The following MTUS2 variants were observed in gnomAD, a reference collection of about 807,000 sequenced individuals.
MTUS2 encodes microtubule associated scaffold protein 2.
MTUS2 carries 40 observed loss-of-function variants against 114.1 expected under a neutral mutation model. The observed-to-expected ratio is 0.35, with a 90% CI of 0.27 to 0.46. MTUS2 has a LOEUF of 0.46. MTUS2 is among the 20% of genes least tolerant of loss of function. MTUS2 has a pLI of 1.00. For synonymous variants in MTUS2, 688 were observed against 672.0 expected, an observed-to-expected ratio of 1.02 and a Z score of -0.37; for missense variants, 1,679 against 1,705.4, an observed-to-expected ratio of 0.98 and a Z score of 0.27.
chr13:29,457,006 A>G (rs541315162), intron 9 of MTUS2, among the ~76,000 whole-genome samples: 61 of 151,920 alleles, frequency 4.0e-4, no homozygotes, highest in Admixed American at 1.2e-3. Flanking sequence ...TTAGCCAGGC[A>G]TGGTGGCAGG....
intron 2 of MTUS2, among the ~76,000 whole-genome samples, chr13:28,877,329 A>G (rs993895456): frequency 6.6e-6 from 1 of 151,728 alleles, no homozygotes; most frequent in Non-Finnish European, 1.5e-5. Context: ...AAAAAAAAAA[A>G]AAAGAAAAAC....
rs1441904364 is a variant in MTUS2, at chr13:28,994,876, CT to C, written c.-242-29577del. Among the ~76,000 whole-genome samples, 7 of 152,140 alleles carry C rather than the reference CT, an allele frequency of 4.6e-5. 1 individual carries two copies. On this transcript the variant is annotated intron_variant, in intron 2 of 15. Transcript: ENST00000612955. The stretch of plus-strand genomic sequence containing the variant: ...TGCCTGTTCACTCTGATGGTGGTTT[CT>C]TTTGCTGTGCAGAAGCTCTTTAGTT...
intron 2 of MTUS2, among the ~76,000 whole-genome samples, chr13:29,023,314 G>A (rs142661855): frequency 1.3e-5 from 2 of 152,304 alleles, no homozygotes; most frequent in African/African-American, 4.8e-5. Context: ...AGGCCTCGAA[G>A]GCCAGAGTAA....
chr13:29,319,721 G>T (rs1188624428), intron 6 of MTUS2, among the ~76,000 whole-genome samples: 1 of 152,098 alleles, frequency 6.6e-6, no homozygotes, highest in African/African-American at 2.4e-5. Flanking sequence ...GGTCAGCAGG[G>T]GTGCTGTTCA....
Position 28,858,475 on chromosome 13 carries a change from C to T in MTUS2, c.-243+18625C>T, listed in dbSNP as rs541476391. On this transcript the variant is annotated intron_variant, in intron 2 of 15. Transcript: ENST00000612955. ...CCTTCCTCCCATTCTTCATCCACTA[C>T]CTCCCAGGCAGGTAGGACAGGCAGA... Among the ~76,000 whole-genome samples the T allele has an allele frequency of 6.6e-5, 10 of 152,258 alleles. No homozygotes were observed. The South Asian group carries it at 1.2e-3, about 19-fold the overall frequency.
In MTUS2 at chr13:28,990,301, G is replaced by A. The variant is rs375884402; in HGVS notation, c.-242-34156G>A. On this transcript the variant is annotated intron_variant, in intron 2 of 15. Transcript: ENST00000612955. ...GATGGTATTGGCAAGTTCAGTCCTG[G>A]TTGGAGAGTGAAGGACTTTACAGTT... Among the ~76,000 whole-genome samples, 14 of 152,304 alleles carry A rather than the reference G, an allele frequency of 9.2e-5. No homozygotes were observed. The South Asian group carries it at 2.5e-3, about 27-fold the overall frequency.
At chr13:29,213,155 G>A (rs1175518756) in intron 5 of MTUS2, among the ~76,000 whole-genome samples, 2 of 152,232 alleles carry the variant, frequency 1.3e-5, no homozygotes, top group Non-Finnish European at 2.9e-5. Flanking sequence ...GCTTTTAGGA[G>A]CTCTGTGTCA....
chr13:29,169,402 G>T (rs545139712), intron 5 of MTUS2, among the ~76,000 whole-genome samples: 2 of 152,132 alleles, frequency 1.3e-5, no homozygotes, highest in Non-Finnish European at 2.9e-5. Flanking sequence ...AGAGAAAATG[G>T]TTCTGAGTGT....
At chr13:29,465,776 A>G (rs2138814912) in intron 9 of MTUS2, among the ~76,000 whole-genome samples, 1 of 152,282 alleles carries the variant, frequency 6.6e-6, no homozygotes, top group South Asian at 2.1e-4. Flanking sequence ...ACATAAATAC[A>G]TTTAATCCTG....
At chr13:29,058,467 G>A (rs1337189468) in intron 4 of MTUS2, among the ~76,000 whole-genome samples, 1 of 149,598 alleles carries the variant, frequency 6.7e-6, no homozygotes, top group Non-Finnish European at 1.5e-5. Flanking sequence ...TGGAGGTTTT[G>A]TTCATTCTTC....
At chr13:28,861,248 G>T (rs983060075) in intron 2 of MTUS2, among the ~76,000 whole-genome samples, 14 of 152,168 alleles carry the variant, frequency 9.2e-5, no homozygotes, top group Admixed American at 7.9e-4. Context: ...TAGATTAATT[G>T]TCCATTTAAC....
chr13:29,474,976 C>T (rs1259472042), intron 9 of MTUS2, among the ~76,000 whole-genome samples: 1 of 152,110 alleles, frequency 6.6e-6, no homozygotes, highest in Admixed American at 6.5e-5. Context: ...AATTTTTTCC[C>T]ATGCAAAACA....
chr13:29,216,195 C>A (rs915254412), intron 5 of MTUS2, among the ~76,000 whole-genome samples: 1 of 152,254 alleles, frequency 6.6e-6, no homozygotes, highest in Non-Finnish European at 1.5e-5. Context: ...AAACTGCCTA[C>A]TCAGGTTTCA....
At chr13:29,421,688 T>G (rs573168814) in intron 8 of MTUS2, among the ~76,000 whole-genome samples, 4 of 152,242 alleles carry the variant, frequency 2.6e-5, no homozygotes, top group Admixed American at 2.0e-4. Context: ...GATAGACAAT[T>G]ATTATGATAT....
chr13:28,937,303 G>A (rs1881955469), intron 2 of MTUS2, among the ~76,000 whole-genome samples: 1 of 150,822 alleles, frequency 6.6e-6, no homozygotes. Context: ...TAAGCACTCT[G>A]TAAAATGGAC....
chr13:28,820,014 C>T (rs931609718), upstream of MTUS2, among the ~76,000 whole-genome samples: 1 of 147,124 alleles, frequency 6.8e-6, no homozygotes, highest in African/African-American at 2.4e-5. Flanking sequence ...CTGCCCCGCG[C>T]CGCCTACCGC....
At chr13:29,464,653 A>G (rs933272975) in intron 9 of MTUS2, among the ~76,000 whole-genome samples, 15 of 152,266 alleles carry the variant, frequency 9.9e-5, no homozygotes, top group African/African-American at 3.1e-4. Context: ...GCTTGTTTGA[A>G]GTGCAGACTC....
intron 2 of MTUS2, among the ~76,000 whole-genome samples, chr13:28,852,967 ACATACATT>A (rs1001967541): frequency 7.3e-5 from 11 of 150,526 alleles, no homozygotes; most frequent in African/African-American, 1.2e-4. Flanking sequence ...ATACATACAT[ACATACATT>A]CATTCATTCA....
intron 4 of MTUS2, among the ~76,000 whole-genome samples, chr13:29,078,065 C>A (rs777872632): frequency 6.6e-6 from 1 of 152,086 alleles, no homozygotes; most frequent in African/African-American, 2.4e-5. Context: ...AGCAGCAGCA[C>A]AATCTTTTTT....
Sources: gnomAD v4.1 joint callset for allele counts (sites outside exome capture counted in the v4.1 genomes callset) on GRCh38, gnomAD v4.1.1 for gene constraint, MANE v1.5 for transcripts, NCBI Gene and HGNC (gene_info 2026-07-23, HGNC 2026-07-21) for gene names.